Variants in CASR observed in about 807,000 individuals in gnomAD.
CASR encodes the protein calcium sensing receptor.
Under a neutral mutation model 69.1 loss-of-function variants are expected in CASR, and 23 were observed. The observed-to-expected ratio is 0.33, with a 90% CI of 0.24 to 0.47. The LOEUF is 0.47. Among genes scored for constraint, CASR ranks in the 20% least tolerant of loss-of-function variants. The pLI is 1.00. For synonymous variants in CASR, 541 were observed against 544.7 expected, an observed-to-expected ratio of 0.99 and a Z score of 0.10; for missense variants, 924 against 1,356.1, an observed-to-expected ratio of 0.68 and a Z score of 5.00.
chr3:122,241,609 A>C (rs2074379772), intron 1 of CASR, among the ~76,000 whole-genome samples: 1 of 152,076 alleles, frequency 6.6e-6, no homozygotes, highest in Non-Finnish European at 1.5e-5. Context: ...AAGAAGAATG[A>C]ATACCAATCC....
At chr3:122,225,222 C>T (rs2074210851) in intron 1 of CASR, among the ~76,000 whole-genome samples, 1 of 151,784 alleles carries the variant, frequency 6.6e-6, no homozygotes, top group South Asian at 2.1e-4. Context: ...TGAGAGAGAC[C>T]TAATTAAGGG....
intron 4 of CASR, among the ~76,000 whole-genome samples, chr3:122,264,721 G>A (rs1480862905): frequency 6.6e-6 from 1 of 152,200 alleles, no homozygotes; most frequent in Admixed American, 6.5e-5. Context: ...CTTGGTGTGA[G>A]TCTCCTTTGA....
chr3:122,220,357 T>G (rs748316878), intron 1 of CASR, among the ~76,000 whole-genome samples: 17 of 152,214 alleles, frequency 1.1e-4, no homozygotes, highest in Non-Finnish European at 2.1e-4. Flanking sequence ...ATCCCAACAA[T>G]AAGCGAAGAG....
At chr3:122,188,364 C>T (rs2073807099) in intron 1 of CASR, among the ~76,000 whole-genome samples, 1 of 152,136 alleles carries the variant, frequency 6.6e-6, no homozygotes, top group Admixed American at 6.5e-5. Context: ...AGAGGTGAAG[C>T]CTGAGATTCT....
chr3:122,231,887 G>C (rs2074282341), intron 1 of CASR, among the ~76,000 whole-genome samples: 1 of 152,286 alleles, frequency 6.6e-6, no homozygotes, highest in South Asian at 2.1e-4. Context: ...CCGATAGGCA[G>C]ATTCAGATTA....
intron 1 of CASR, among the ~76,000 whole-genome samples, chr3:122,227,947 A>T (rs2074241472): frequency 1.4e-5 from 1 of 72,332 alleles, no homozygotes; most frequent in Non-Finnish European, 3.4e-5. Flanking sequence ...AAGGACATCT[A>T]AATGACTGCT....
intron 1 of CASR, among the ~76,000 whole-genome samples, chr3:122,221,368 C>T (rs2074169531): frequency 6.6e-6 from 1 of 152,180 alleles, no homozygotes. Flanking sequence ...CAGCGCAAGC[C>T]CCTCTCTACC....
In CASR at chr3:122,284,759, G is replaced by T; in HGVS notation, c.2805G>T (p.Pro935=). The T allele has an allele frequency of 6.2e-7, 1 of 1,614,080 alleles. No individual in the cohort carries two copies. The highest frequency in any genetic ancestry group is 8.5e-7 in the Non-Finnish European group (1 of 1,179,990). ...CCGAGAGGCAGAAGCAGCAGCAGCC[G>T]CTGGCCCTAACCCAGCAAGAGCAGC... ...PQPERQKQQQ[P]LALTQQEQQQ... is the part of the protein sequence containing the mutation. The change falls in exon 7 of 7, where the codon CCG becomes CCT. Residue 935 remains proline, a synonymous_variant. Transcript: ENST00000639785.
chr3:122,206,569 A>G (rs1012670123), intron 1 of CASR, among the ~76,000 whole-genome samples: 3 of 152,022 alleles, frequency 2.0e-5, no homozygotes, highest in African/African-American at 7.2e-5. Flanking sequence ...TGGTTTTGGT[A>G]TCAGGATAAC....
At chr3:122,243,464 T>A (rs139673481) in intron 1 of CASR, among the ~76,000 whole-genome samples, 115 of 152,132 alleles carry the variant, frequency 7.6e-4, no homozygotes, top group African/African-American at 2.6e-3. Context: ...AAATCAAAAC[T>A]ACAGTGAGAT....
chr3:122,235,838 T>A (rs1162087591), intron 1 of CASR, among the ~76,000 whole-genome samples: 1 of 152,158 alleles, frequency 6.6e-6, no homozygotes, highest in African/African-American at 2.4e-5. Context: ...AAACAATCAT[T>A]TTTAGGAAAC....
intron 1 of CASR, among the ~76,000 whole-genome samples, chr3:122,202,429 C>T (rs566369635): frequency 5.9e-4 from 89 of 150,806 alleles, no homozygotes; most frequent in Non-Finnish European, 1.0e-3. Context: ...AGAGGGAGAC[C>T]GTGGAAAGAG....
chr3:122,277,093 G>A (rs1365634230), intron 5 of CASR, among the ~76,000 whole-genome samples: 2 of 144,430 alleles, frequency 1.4e-5, no homozygotes, highest in East Asian at 2.0e-4. Context: ...CTGTTGCCTA[G>A]GCTGGAGTGC....
intron 1 of CASR, among the ~76,000 whole-genome samples, chr3:122,248,702 G>C (rs1348532927): frequency 6.6e-6 from 1 of 151,646 alleles, no homozygotes; most frequent in Admixed American, 6.6e-5. Context: ...TGTTCAGAAG[G>C]TCTGCGCCTG....
intron 1 of CASR, among the ~76,000 whole-genome samples, chr3:122,238,514 C>A (rs1186023178): frequency 6.6e-6 from 1 of 152,170 alleles, no homozygotes; most frequent in African/African-American, 2.4e-5. Context: ...CCTAACTAAG[C>A]AATTCCTAGT....
rs140418347 is a variant in CASR at position 122,261,787 on chromosome 3, A to G, written c.752A>G (p.Glu251Gly). 1.9e-6 allele frequency: 3 copies of G among 1,614,152 alleles called. No homozygotes were observed. The highest frequency in any genetic ancestry group is 2.7e-5 in the African/African-American group (2 of 74,964). ...ELISQYSDEE[E>G]IQHVVEVIQN... ...ATCTCCCAGTACTCTGATGAGGAAG[A>G]GATCCAGCATGTGGTAGAGGTGATT... Residue 251 changes from glutamate (E) to glycine (G), a missense_variant, in exon 4 of 7, where the codon GAG (glutamate) becomes GGG (glycine). By Grantham distance (98) the Glu-to-Gly change is moderately conservative (BLOSUM62 -2). Around this residue, in one of 8 missense-constraint regions of CASR, gnomAD observed 310 missense variants for 395.7 expected, o/e 0.78. Transcript: ENST00000639785.
intron 4 of CASR, among the ~76,000 whole-genome samples, chr3:122,262,622 G>A (rs1029481207): frequency 6.6e-6 from 1 of 152,194 alleles, no homozygotes; most frequent in South Asian, 2.1e-4. Context: ...AAAGCCTTGA[G>A]TCAACTGTTC....
chr3:122,190,799 C>T (rs1293476800), intron 1 of CASR, among the ~76,000 whole-genome samples: 1 of 152,214 alleles, frequency 6.6e-6, no homozygotes, highest in Non-Finnish European at 1.5e-5. Context: ...AAAGCACCCT[C>T]TTAATATTAA....
intron 1 of CASR, among the ~76,000 whole-genome samples, chr3:122,210,393 A>G (rs1251199686): frequency 6.6e-6 from 1 of 152,226 alleles, no homozygotes; most frequent in African/African-American, 2.4e-5. Context: ...GCAAAGTCTC[A>G]GGATACAAAA....
Sources: gnomAD v4.1 joint callset for allele counts (sites outside exome capture counted in the v4.1 genomes callset) on GRCh38, gnomAD v4.1.1 for gene constraint, gnomAD v4.1.1 regional missense constraint, MANE v1.5 for transcripts, NCBI Gene and HGNC (gene_info 2026-07-23, HGNC 2026-07-21) for gene names.